Variants in DYM observed in about 807,000 individuals in gnomAD.
DYM encodes dyggve-Melchior-Clausen syndrome protein.
DYM carries 78 observed loss-of-function variants against 93.1 expected under a neutral mutation model. That is an observed-to-expected ratio of 0.84 (90% confidence interval 0.70 to 1.01). DYM has a LOEUF of 1.01. Among genes scored for constraint, DYM ranks in the 50% least tolerant of loss-of-function variants. DYM has a pLI of 0.00. For synonymous variants in DYM, 321 were observed against 319.7 expected (o/e 1.00, Z -0.04); for missense variants, 789 against 845.0 (o/e 0.93, Z 0.82).
At chr18:49,280,896 G>A (rs2094955670) in intron 10 of DYM, among the ~76,000 whole-genome samples, 1 of 152,154 alleles carries the variant, frequency 6.6e-6, no homozygotes, top group Non-Finnish European at 1.5e-5. Flanking sequence ...GCATAGGCAA[G>A]GACTTCATGT....
chr18:49,122,346 T>G (rs1385293938), intron 15 of DYM, among the ~76,000 whole-genome samples: 1 of 152,172 alleles, frequency 6.6e-6, no homozygotes, highest in African/African-American at 2.4e-5. Context: ...GGTATACTTG[T>G]TCTTTTTAAA....
rs541093354 is a variant in DYM, at chr18:49,169,588, T to C, written c.1626-5801A>G. On this transcript the variant is annotated intron_variant, in intron 14 of 17. Transcript: ENST00000675505. ...CAACGCAAAACTGCTGTGTTTGGTA[T>C]TGAGGTGTGAGGTGGGAGGCAGGGC... is the stretch of plus-strand genomic sequence containing the variant. 1.7e-3 allele frequency among the ~76,000 whole-genome samples: 257 copies of C among 152,286 alleles called. 2 individuals are homozygous for C. The highest frequency in any genetic ancestry group is 5.8e-3 in the African/African-American group (239 of 41,564).
chr18:49,281,847 A>C, intron 10 of DYM, 150 bp downstream of exon 10: 1 of 674,256 alleles, frequency 1.5e-6, no homozygotes, highest in Non-Finnish European at 2.4e-6. Context: ...CGATATACCT[A>C]ATGTTAAATG....
chr18:49,411,072 T>A (rs1422257327), intron 2 of DYM, among the ~76,000 whole-genome samples: 1 of 152,186 alleles, frequency 6.6e-6, no homozygotes, highest in African/African-American at 2.4e-5. Flanking sequence ...AATGGGAGTA[T>A]CCTCACTTTA....
intron 17 of DYM, among the ~76,000 whole-genome samples, chr18:49,094,545 A>G (rs779219523): frequency 2.6e-5 from 4 of 152,232 alleles, no homozygotes; most frequent in Non-Finnish European, 4.4e-5. Context: ...TACCAGTAAG[A>G]AGAGAATGTT....
intron 2 of DYM, among the ~76,000 whole-genome samples, chr18:49,418,518 C>A (rs1221363430): frequency 6.6e-6 from 1 of 152,120 alleles, no homozygotes; most frequent in African/African-American, 2.4e-5. Context: ...CTTACAAAAT[C>A]TGATTACTCT....
At position 49,040,987 on chromosome 18, in the gene DYM, A is replaced by G. The variant is rs1014106333; in HGVS notation, c.*3068T>C. Among the ~76,000 whole-genome samples the G allele has an allele frequency of 2.6e-5, 4 of 152,122 alleles. No homozygotes were observed. The East Asian group carries it at 7.7e-4, about 29-fold the overall frequency. On this transcript the variant is annotated 3_prime_UTR_variant, in exon 18 of 18. Coordinates refer to ENST00000675505, the MANE Select transcript of DYM (RefSeq NM_001353214.3). ...TGGTCCTGTGTCCTTTCCACTTTCT[A>G]TCGTCTACTTCCCAGCTCCTGTGCT...
intron 14 of DYM, among the ~76,000 whole-genome samples, chr18:49,179,154 C>T (rs1430422484): frequency 6.6e-6 from 1 of 152,060 alleles, no homozygotes; most frequent in African/African-American, 2.4e-5. Context: ...CTTTTGACTC[C>T]CAATCCAGTG....
intron 14 of DYM, chr18:49,208,336 T>G (rs1464129965): frequency 6.6e-6 from 1 of 152,176 alleles, no homozygotes; most frequent in South Asian, 2.1e-4. Context: ...TTACCTGATA[T>G]TCCCTCACTT....
At chr18:49,069,676 C>T (rs1195258846) in intron 17 of DYM, among the ~76,000 whole-genome samples, 1 of 152,170 alleles carries the variant, frequency 6.6e-6, no homozygotes, top group Non-Finnish European at 1.5e-5. Flanking sequence ...AGTGTACTAA[C>T]CTGTAGCAGT....
At chr18:49,171,148 G>C (rs1399232345) in intron 14 of DYM, among the ~76,000 whole-genome samples, 2 of 152,174 alleles carry the variant, frequency 1.3e-5, no homozygotes, top group Non-Finnish European at 2.9e-5. Context: ...TAAGCAGGAT[G>C]TGAGGAAGTA....
chr18:49,288,542 G>T (rs1031162172), intron 8 of DYM, among the ~76,000 whole-genome samples: 3 of 152,122 alleles, frequency 2.0e-5, no homozygotes, highest in Non-Finnish European at 2.9e-5. Flanking sequence ...ACTTTGGGAG[G>T]CTAAGGCAGA....
chr18:49,208,247 T>G (rs1294312914), intron 14 of DYM, among the ~76,000 whole-genome samples: 1 of 151,272 alleles, frequency 6.6e-6, no homozygotes, highest in East Asian at 1.9e-4. Flanking sequence ...ATTTCAGAAG[T>G]TCAATGATCA....
intron 1 of DYM, among the ~76,000 whole-genome samples, chr18:49,445,065 G>A (rs1200137350): frequency 6.6e-6 from 1 of 152,066 alleles, no homozygotes; most frequent in African/African-American, 2.4e-5. Context: ...TGCAAAAATT[G>A]TTCTCAATCA....
chr18:49,344,398 T>C (rs931152667), intron 6 of DYM, among the ~76,000 whole-genome samples: 23 of 152,118 alleles, frequency 1.5e-4, no homozygotes, highest in African/African-American at 5.3e-4. Context: ...TTATTCTTGA[T>C]TGTTTACAAA....
chr18:49,152,428 T>C (rs373333779), intron 15 of DYM, among the ~76,000 whole-genome samples: 5 of 152,276 alleles, frequency 3.3e-5, no homozygotes, highest in African/African-American at 4.8e-5. Context: ...CGAAAATTGG[T>C]TGTCTTATGT....
At chr18:49,336,754 G>A in intron 6 of DYM, among the ~76,000 whole-genome samples, 1 of 151,950 alleles carries the variant, frequency 6.6e-6, no homozygotes, top group Admixed American at 6.6e-5. Flanking sequence ...TTACAATTTA[G>A]TGGAAAAAAG....
intron 15 of DYM, among the ~76,000 whole-genome samples, chr18:49,158,090 T>G (rs2086650927): frequency 6.6e-6 from 1 of 152,204 alleles, no homozygotes; most frequent in South Asian, 2.1e-4. Context: ...TTTTCCTGCC[T>G]GAATCTCTCC....
chr18:49,457,685 T>C (rs906923441), intron 1 of DYM, among the ~76,000 whole-genome samples: 15 of 152,200 alleles, frequency 9.9e-5, no homozygotes, highest in Non-Finnish European at 1.8e-4. Context: ...CCTCCAAAGA[T>C]GTCCACATAC....
Sources: gnomAD v4.1 joint callset for allele counts (sites outside exome capture counted in the v4.1 genomes callset) on GRCh38, gnomAD v4.1.1 for gene constraint, MANE v1.5 for transcripts, NCBI Gene and HGNC (gene_info 2026-07-23, HGNC 2026-07-21) for gene names.